The following DNAH6 variants were observed in gnomAD, a reference collection of about 807,000 sequenced individuals.
DNAH6 encodes axonemal beta dynein heavy chain 6.
Under a neutral mutation model 491.4 loss-of-function variants are expected in DNAH6, and 340 were observed. That is an observed-to-expected ratio of 0.69 (90% confidence interval 0.63 to 0.76). The LOEUF (loss-of-function observed/expected upper bound fraction) is 0.76, where lower values mean the gene tolerates loss of function less well. Ranked by LOEUF, DNAH6 falls within the 30% of genes least tolerant of loss-of-function variation. The pLI, the probability that DNAH6 is intolerant of heterozygous loss-of-function variation, is 0.00. For missense variants in DNAH6, 4,443 were observed against 4,972.2 expected (o/e 0.89, Z 3.20); for synonymous variants, 1,603 against 1,686.1 (o/e 0.95, Z 1.21).
the DNAH6 span, among the ~76,000 whole-genome samples, chr2:84,496,620 A>C: frequency 6.6e-6 from 1 of 152,216 alleles, no homozygotes; most frequent in East Asian, 1.9e-4. Context: ...CAGATCTGGC[A>C]TGAGTCCTGG....
intron 22 of DNAH6, among the ~76,000 whole-genome samples, chr2:84,616,121 G>A (rs1236811235): frequency 6.6e-6 from 1 of 151,940 alleles, no homozygotes; most frequent in East Asian, 1.9e-4. Context: ...GTCTATTTTG[G>A]AGAATATTCT....
In DNAH6 at chr2:84,796,300, T is replaced by C; in HGVS notation, c.11240-6T>C. ...CAATAATTTCAAAATACAAATTTCTTTTCAGGTGAAATTACTTATGGTGGT... is the reference window on the plus strand; with the variant it reads ...CAATAATTTCAAAATACAAATTTCTCTTCAGGTGAAATTACTTATGGTGGT... On this transcript the variant is annotated splice_region_variant and splice_polypyrimidine_tract_variant and intron_variant, in intron 68 of 76. Transcript: ENST00000389394. 1 of 1,459,114 alleles carries C rather than the reference T, an allele frequency of 6.9e-7. No individual in the cohort carries two copies. Among genetic ancestry groups the C allele is most frequent in the Non-Finnish European group, 9.1e-7 (1 of 1,101,010 alleles). The allele number at this position is 1,459,114 out of a possible 1,614,324, so 90.4% of individuals were successfully genotyped here.
intron 3 of DNAH6, among the ~76,000 whole-genome samples, chr2:84,526,579 C>T (rs1429861298): frequency 1.3e-5 from 2 of 152,084 alleles, no homozygotes; most frequent in Admixed American, 6.6e-5. Context: ...TAAAAAGCCA[C>T]CTTTGGGAGT....
At chr2:84,808,125 A>G (rs77632742) in intron 71 of DNAH6, among the ~76,000 whole-genome samples, 1 of 116,428 alleles carries the variant, frequency 8.6e-6, no homozygotes, top group Non-Finnish European at 1.8e-5. Context: ...AAAAAAGTGT[A>G]TATATATGTG....
chr2:84,713,445 A>G (rs1482052258), intron 57 of DNAH6, among the ~76,000 whole-genome samples, 186 bp downstream of exon 57: 2 of 151,980 alleles, frequency 1.3e-5, no homozygotes, highest in African/African-American at 2.4e-5. Context: ...TCTGATTCCA[A>G]TCACCCTTGT....
chr2:84,570,781 C>T (rs756007565), intron 11 of DNAH6, among the ~76,000 whole-genome samples: 1 of 152,200 alleles, frequency 6.6e-6, no homozygotes, highest in African/African-American at 2.4e-5. Flanking sequence ...CACTCGGGTC[C>T]CCTTCCACGC....
At chr2:84,789,262 C>T (rs182899441) in intron 68 of DNAH6, among the ~76,000 whole-genome samples, 117 of 152,294 alleles carry the variant, frequency 7.7e-4, no homozygotes, top group African/African-American at 2.7e-3. Context: ...CAATTAACAG[C>T]AGAAACAACA....
chr2:84,578,915 C>T (rs1185087654), intron 13 of DNAH6, among the ~76,000 whole-genome samples: 2 of 152,184 alleles, frequency 1.3e-5, no homozygotes, highest in Non-Finnish European at 2.9e-5. Flanking sequence ...TTCCTGCACT[C>T]TCACATACTT....
intron 42 of DNAH6, among the ~76,000 whole-genome samples, chr2:84,682,652 A>C (rs1195978250): frequency 6.6e-6 from 1 of 152,144 alleles, no homozygotes; most frequent in East Asian, 1.9e-4. Flanking sequence ...GCCCCAGAGG[A>C]GACTACCATT....
intron 14 of DNAH6, among the ~76,000 whole-genome samples, chr2:84,581,543 C>G (rs531683876): frequency 6.6e-6 from 1 of 152,214 alleles, no homozygotes; most frequent in South Asian, 2.1e-4. Context: ...CTATGGGTTA[C>G]AGAAGACTGT....
chr2:84,615,028 C>G (rs7590821), intron 22 of DNAH6, among the ~76,000 whole-genome samples: 6,176 of 149,742 alleles, frequency 0.041, 408 homozygotes, highest in African/African-American at 0.15. Context: ...AAGTTTAAGT[C>G]CCATCTATTT....
At chr2:84,687,650 T>G (rs958215913) in intron 44 of DNAH6, among the ~76,000 whole-genome samples, 1 of 152,172 alleles carries the variant, frequency 6.6e-6, no homozygotes, top group East Asian at 1.9e-4. Context: ...AAAAAACAGC[T>G]AGACTCTTCT....
In DNAH6 at chr2:84,701,162, A is replaced by C. The variant is rs267599480; in HGVS notation, c.7884A>C (p.Glu2628Asp). 6.4e-7 allele frequency: 1 copy of C among 1,551,848 alleles called. No homozygotes were observed. The highest frequency in any genetic ancestry group is 8.7e-7 in the Non-Finnish European group (1 of 1,146,978). The stretch of plus-strand genomic sequence containing the variant: ...TCTCACAAGTCGATGCTGGAAATGA[A>C]GAACTGAAAGAAAAGCTTCCCTTGA... ...TFFSQVDAGN[E>D]ELKEKLPLMC... is the part of the protein sequence containing the mutation. Residue 2628 changes from glutamate (E) to aspartate (D), a missense_variant, in exon 49 of 77, where the codon GAA becomes GAC. Physicochemically the swap from Glu to Asp is conservative, Grantham distance 45. Transcript: ENST00000389394.
intron 63 of DNAH6, among the ~76,000 whole-genome samples, chr2:84,753,270 G>A (rs546506231): frequency 6.6e-6 from 1 of 152,066 alleles, no homozygotes; most frequent in East Asian, 1.9e-4. Context: ...TAATATCCTA[G>A]CTACAAGTTT....
intron 37 of DNAH6, among the ~76,000 whole-genome samples, chr2:84,663,005 A>G (rs893987238): frequency 1.3e-5 from 2 of 152,174 alleles, no homozygotes; most frequent in African/African-American, 4.8e-5. Context: ...GCAAATTCCA[A>G]CAGACCTTCG....
the DNAH6 span, among the ~76,000 whole-genome samples, chr2:84,480,437 C>A: frequency 1.3e-5 from 2 of 152,276 alleles, no homozygotes; most frequent in African/African-American, 4.8e-5. Context: ...TTATATCTCA[C>A]CTGGAAACCT....
At chr2:84,557,467 A>G (rs1203279314) in intron 10 of DNAH6, among the ~76,000 whole-genome samples, 2 of 150,992 alleles carry the variant, frequency 1.3e-5, no homozygotes, top group African/African-American at 4.9e-5. Context: ...TAACAAGGTG[A>G]AACCCCGTCT....
chr2:84,791,317 G>T (rs970746202), intron 68 of DNAH6, among the ~76,000 whole-genome samples: 2 of 151,652 alleles, frequency 1.3e-5, no homozygotes, highest in African/African-American at 4.8e-5. Context: ...GTAAAATATG[G>T]CATATCCATA....
At position 84,815,963 on chromosome 2, in the gene DNAH6, A is replaced by T; in HGVS notation, c.12253A>T (p.Met4085Leu). ...MVIEDALPGQ[M>L]NPVLPVVHFE... ...GATAGAAGATGCATTGCCCGGACAG[A>T]TGAATCCAGTGCTGCCTGTGGTGCA... The change falls in exon 76 of 77, where the codon ATG becomes TTG. Residue 4085 changes from methionine (M) to leucine (L), a missense_variant. Met to Leu is a conservative substitution (Grantham distance 15). Around this residue, in one of 3 missense-constraint regions of DNAH6, gnomAD observed 1,463 missense variants for 1,656.6 expected, o/e 0.88. Coordinates refer to ENST00000389394, the MANE Select transcript of DNAH6 (RefSeq NM_001370.2). 1 of 1,551,968 alleles carries T rather than the reference A, an allele frequency of 6.4e-7. No individual in the cohort carries two copies. Among genetic ancestry groups the T allele is most frequent in the Non-Finnish European group, 8.7e-7 (1 of 1,147,068 alleles).
Sources: gnomAD v4.1 joint callset for allele counts (sites outside exome capture counted in the v4.1 genomes callset) on GRCh38, gnomAD v4.1.1 for gene constraint, gnomAD v4.1.1 regional missense constraint, MANE v1.5 for transcripts, NCBI Gene and HGNC (gene_info 2026-07-23, HGNC 2026-07-21) for gene names.